The following RNF41 variants were observed in gnomAD, a reference collection of about 807,000 sequenced individuals.
The protein encoded by RNF41 is ring finger protein 41.
In RNF41, 4 loss-of-function variants were observed where a neutral mutation model predicts 33.0. That is an observed-to-expected ratio of 0.12 (90% CI 0.06 to 0.28). RNF41 has a LOEUF of 0.28. Ranked by LOEUF, RNF41 falls within the 10% of genes least tolerant of loss-of-function variation. RNF41 has a pLI of 1.00. For synonymous variants in RNF41, 164 were observed against 153.2 expected (o/e 1.07, Z -0.52); for missense variants, 228 against 432.6 (o/e 0.53, Z 4.19).
chr12:56,213,389 G>A (rs147889629), intron 3 of RNF41, among the ~76,000 whole-genome samples: 1 of 152,104 alleles, frequency 6.6e-6, no homozygotes, highest in African/African-American at 2.4e-5. Flanking sequence ...TAGTAGAGAC[G>A]GGGTTTCACC....
At position 56,203,296 on chromosome 12, in the gene RNF41, G is replaced by C. The variant is rs1223180567; in HGVS notation, c.*3151C>G. On this transcript the variant is annotated 3_prime_UTR_variant, in exon 7 of 7. Transcript: ENST00000345093. ...CCTCCCAGGTTCAAGCGATTCTTGT[G>C]CCTTAGCCTTCCAAGGAGCTGGGAT... 2.0e-5 allele frequency: 3 copies of C among 151,800 alleles called. No homozygotes were observed. Among genetic ancestry groups the C allele is most frequent in the Non-Finnish European group, 4.4e-5 (3 of 68,076 alleles). 9.4% of individuals were successfully genotyped at this position (151,800 alleles called of 1,614,324 possible). A position where few individuals can be genotyped will look rare whatever the true frequency, so the allele number is the denominator to read the frequency against.
chr12:56,213,420 T>G (rs889396299), intron 3 of RNF41, among the ~76,000 whole-genome samples: 1 of 152,112 alleles, frequency 6.6e-6, no homozygotes, highest in Admixed American at 6.6e-5. Flanking sequence ...GGATGGCTCT[T>G]GAACTCGTGA....
At position 56,205,536 on chromosome 12, in the gene RNF41, G is replaced by A. The variant is rs1246874375; in HGVS notation, c.*911C>T. The A allele has an allele frequency of 2.2e-5, 3 of 136,434 alleles. No homozygotes were observed. Among genetic ancestry groups the A allele is most frequent in the Non-Finnish European group, 4.6e-5 (3 of 64,790 alleles). The allele number at this position is 136,434 out of a possible 1,614,324, so 8.5% of individuals were successfully genotyped here. On this transcript the variant is annotated 3_prime_UTR_variant, in exon 7 of 7. Coordinates refer to ENST00000345093, the MANE Select transcript of RNF41 (RefSeq NM_005785.4). ...ATTAAATTGCCAACAATGTGGCTGA[G>A]ATAGCCATGATCAGGCCATTCTTAA...
intron 1 of RNF41, among the ~76,000 whole-genome samples, chr12:56,219,684 C>A (rs1416859774): frequency 6.6e-6 from 1 of 151,840 alleles, no homozygotes; most frequent in Non-Finnish European, 1.5e-5. Context: ...CGCGCGCACC[C>A]CTTATACATA....
At chr12:56,216,961 A>T (rs1164702142) in intron 1 of RNF41, among the ~76,000 whole-genome samples, 5 of 151,772 alleles carry the variant, frequency 3.3e-5, no homozygotes, top group Admixed American at 3.3e-4. Context: ...TAACACGGTG[A>T]AACCCCGTCT....
chr12:56,212,989 T>C (rs1273208430), intron 3 of RNF41: 1 of 1,289,496 alleles, frequency 7.8e-7, no homozygotes, highest in Admixed American at 2.3e-5. Flanking sequence ...TCACTCATTG[T>C]ACTTGCCTGG....
In RNF41 at chr12:56,216,942, C is replaced by T. The variant is rs554141313; in HGVS notation, c.-208-329G>A. On this transcript the variant is annotated intron_variant, in intron 1 of 6. Transcript: ENST00000345093. ...GATCACGAGGTCAGGAGATCAAGAC[C>T]GTCCTGGCTAACACGGTGAAACCCC... Among the ~76,000 whole-genome samples the T allele has an allele frequency of 3.3e-5, 5 of 150,572 alleles. No individual in the cohort carries two copies. The South Asian group carries it at 8.4e-4, about 25-fold the overall frequency.
chr12:56,207,116 T>A (rs1565940327), intron 6 of RNF41: 2 of 1,317,450 alleles, frequency 1.5e-6, no homozygotes, highest in African/African-American at 3.0e-5. Flanking sequence ...TATTCCTCTA[T>A]CCTATGTCCC....
intron 1 of RNF41, among the ~76,000 whole-genome samples, chr12:56,219,668 T>TACACACACACACAC (rs375047200): frequency 0.019 from 2,888 of 150,526 alleles, 38 homozygotes; most frequent in Non-Finnish European, 0.028. Flanking sequence ...TATATGTGTA[T>TACACACACACACAC]ATACACGCGC....
chr12:56,214,412 C>T (rs1037518381), intron 2 of RNF41, among the ~76,000 whole-genome samples: 5 of 150,252 alleles, frequency 3.3e-5, no homozygotes, highest in Non-Finnish European at 5.9e-5. Context: ...CCCAGCTACT[C>T]GGGAGGCTGA....
At chr12:56,220,773 TGA>T (rs1358297980) in intron 1 of RNF41, among the ~76,000 whole-genome samples, 1 of 151,134 alleles carries the variant, frequency 6.6e-6, no homozygotes, top group Admixed American at 6.6e-5. Flanking sequence ...TTTAGAGTAC[TGA>T]GAGTCGGAGA....
chr12:56,214,253 G>A (rs1868690046), intron 2 of RNF41, among the ~76,000 whole-genome samples, 183 bp from the exon 3 acceptor site: 1 of 152,198 alleles, frequency 6.6e-6, no homozygotes, highest in African/African-American at 2.4e-5. Flanking sequence ...AGGTGCAGTG[G>A]ATCACGCCTG....
Position 56,206,820 on chromosome 12 carries a change from T to G in RNF41, c.603-22A>C. 6.4e-7 allele frequency: 1 copy of G among 1,561,904 alleles called. No homozygotes were observed. The highest frequency in any genetic ancestry group is 8.8e-7 in the Non-Finnish European group (1 of 1,140,722). On this transcript the variant is annotated intron_variant, in intron 6 of 6. Transcript: ENST00000345093. This position sits in a 1 kb window ranked among gnomAD's most constrained non-coding sequence, Gnocchi z 5.7. Reference sequence around the variant, plus strand: ...CCACCTGTGTGGAGGTGGTTAAAGATGGTCATTCCAGCTCATCTCCTTTCT... The same window carrying G: ...CCACCTGTGTGGAGGTGGTTAAAGAGGGTCATTCCAGCTCATCTCCTTTCT...
Position 56,205,767 on chromosome 12 carries a change from G to C in RNF41, c.*680C>G, listed in dbSNP as rs922945385. The C allele has an allele frequency of 3.9e-5, 6 of 152,762 alleles. No individual in the cohort carries two copies. The highest frequency in any genetic ancestry group is 6.5e-5 in the Admixed American group (1 of 15,292). The allele number at this position is 152,762 out of a possible 1,614,324, so 9.5% of individuals were successfully genotyped here. ...TTGCTAAACACATCAACCCCCAACA[G>C]ATTAACCCCTACCCTAAACCCTGGC... is the stretch of plus-strand genomic sequence containing the variant. On this transcript the variant is annotated 3_prime_UTR_variant, in exon 7 of 7. Transcript: ENST00000345093.
intron 5 of RNF41, 106 bp downstream of exon 5, chr12:56,208,057 C>G: frequency 7.3e-7 from 1 of 1,370,524 alleles, no homozygotes; most frequent in Admixed American, 1.7e-5. Context: ...TCTAGGCTCA[C>G]AAGTGTAAGC....
chr12:56,209,457 ATTT>A (rs60545688), intron 4 of RNF41, among the ~76,000 whole-genome samples: 2 of 124,676 alleles, frequency 1.6e-5, no homozygotes, highest in Non-Finnish European at 1.7e-5. Context: ...CACTTGGCTA[ATTT>A]TTTTTTTTTT....
At chr12:56,220,636 A>G (rs1408391621) in intron 1 of RNF41, among the ~76,000 whole-genome samples, 1 of 151,230 alleles carries the variant, frequency 6.6e-6, no homozygotes, top group Non-Finnish European at 1.5e-5. Flanking sequence ...CAAGAGGCTG[A>G]GGCAGGAGAA....
intron 1 of RNF41, among the ~76,000 whole-genome samples, chr12:56,220,085 C>G (rs966010257): frequency 1.3e-5 from 2 of 151,488 alleles, no homozygotes; most frequent in Non-Finnish European, 2.9e-5. Context: ...TACTGTTATC[C>G]TCAAGTAAGA....
chr12:56,211,611 G>T (rs1323463943), intron 3 of RNF41, among the ~76,000 whole-genome samples: 1 of 152,062 alleles, frequency 6.6e-6, no homozygotes, highest in East Asian at 1.9e-4. Context: ...TTTGATATGG[G>T]TCTTGAAGGA....
Sources: allele counts gnomAD v4.1 joint callset (sites outside exome capture counted in the v4.1 genomes callset), GRCh38; gene constraint gnomAD v4.1.1; non-coding constraint Gnocchi (gnomAD v3.1); transcripts MANE v1.5; gene names NCBI Gene and HGNC (gene_info 2026-07-23, HGNC 2026-07-21).